The following PDE1C variants were observed in gnomAD, a reference collection of about 807,000 sequenced individuals.
The protein encoded by PDE1C is dual specificity calcium/calmodulin-dependent 3',5'-cyclic nucleotide phosphodiesterase 1C.
PDE1C carries 62 observed loss-of-function variants against 93.1 expected under a neutral mutation model. The observed-to-expected ratio is 0.67, with a 90% CI of 0.54 to 0.82. PDE1C has a LOEUF of 0.82. PDE1C is among the 40% of genes least tolerant of loss of function. PDE1C has a pLI of 0.00. For missense variants in PDE1C, 742 were observed against 884.6 expected, an observed-to-expected ratio of 0.84 and a Z score of 2.04; for synonymous variants, 325 against 310.1, an observed-to-expected ratio of 1.05 and a Z score of -0.50.
At chr7:31,685,908 G>A in the PDE1C span, among the ~76,000 whole-genome samples, 2 of 152,052 alleles carry the variant, frequency 1.3e-5, no homozygotes, top group Admixed American at 6.5e-5. Context: ...TCCATTCTCT[G>A]CTTATCTGTT....
chr7:32,194,166 G>T (rs1002732140), intron 2 of PDE1C, among the ~76,000 whole-genome samples: 3 of 152,064 alleles, frequency 2.0e-5, no homozygotes, highest in Admixed American at 2.0e-4. Flanking sequence ...TGCCCGCCTC[G>T]GCCTCCCAAA....
chr7:32,277,694 T>A (rs1301248947), intron 1 of PDE1C, among the ~76,000 whole-genome samples: 1 of 152,174 alleles, frequency 6.6e-6, no homozygotes, highest in Non-Finnish European at 1.5e-5. Flanking sequence ...TCAAACCTCC[T>A]CTTTCATTCC....
At chr7:32,107,280 G>C (rs868098500) in intron 3 of PDE1C, among the ~76,000 whole-genome samples, 1 of 150,234 alleles carries the variant, frequency 6.7e-6, no homozygotes, top group South Asian at 2.1e-4. Flanking sequence ...GTGAGAGGGA[G>C]GGAAGGAGGG....
chr7:32,204,094 AC>A (rs1390830608), intron 2 of PDE1C, among the ~76,000 whole-genome samples: 1 of 152,186 alleles, frequency 6.6e-6, no homozygotes, highest in African/African-American at 2.4e-5. Flanking sequence ...TGATTTGAAC[AC>A]AAGCACTGCA....
At chr7:32,307,968 C>T (rs970843450) in intron 1 of PDE1C, among the ~76,000 whole-genome samples, 47 of 152,342 alleles carry the variant, frequency 3.1e-4, no homozygotes, top group African/African-American at 9.1e-4. Context: ...TCGGGGAGTT[C>T]CCTTTCCTAG....
At chr7:32,269,572 C>T (rs1284818135) in intron 1 of PDE1C, among the ~76,000 whole-genome samples, 2 of 152,080 alleles carry the variant, frequency 1.3e-5, no homozygotes, top group East Asian at 1.9e-4. Context: ...CTCTGCCTCC[C>T]GGGTTCAAGC....
At chr7:32,179,746 G>A (rs770610832) in intron 2 of PDE1C, among the ~76,000 whole-genome samples, 1 of 152,180 alleles carries the variant, frequency 6.6e-6, no homozygotes, top group East Asian at 1.9e-4. Context: ...TAAACTGCTA[G>A]TAAAAGGAGC....
the PDE1C span, chr7:31,643,024 G>A: frequency 1.9e-6 from 3 of 1,614,008 alleles, no homozygotes; most frequent in East Asian, 6.7e-5. Flanking sequence ...TGCTGAGTAT[G>A]AGGTCACCAG....
intron 2 of PDE1C, among the ~76,000 whole-genome samples, chr7:32,029,036 T>C (rs1318937636): frequency 6.6e-6 from 1 of 151,970 alleles, no homozygotes; most frequent in African/African-American, 2.4e-5. Flanking sequence ...GCTCAAACAA[T>C]TCAATAGCAA....
intron 2 of PDE1C, among the ~76,000 whole-genome samples, chr7:31,981,738 T>C (rs1812401248): frequency 6.6e-6 from 1 of 152,214 alleles, no homozygotes; most frequent in Admixed American, 6.5e-5. Context: ...CACATATAGT[T>C]GTATGTGTCA....
chr7:32,221,736 A>C (rs1376409361), intron 1 of PDE1C, among the ~76,000 whole-genome samples: 1 of 107,932 alleles, frequency 9.3e-6, no homozygotes, highest in Non-Finnish European at 2.4e-5. Context: ...TTTCTTCAGC[A>C]ATGTTTTTTT....
At chr7:31,939,939 T>G (rs1805590540) in intron 2 of PDE1C, among the ~76,000 whole-genome samples, 1 of 152,218 alleles carries the variant, frequency 6.6e-6, no homozygotes, top group East Asian at 1.9e-4. Flanking sequence ...AGAGTGAGTA[T>G]CCACCATCAC....
chr7:31,802,982 T>C (rs1786260657), intron 16 of PDE1C, among the ~76,000 whole-genome samples: 1 of 151,794 alleles, frequency 6.6e-6, no homozygotes, highest in South Asian at 2.1e-4. Context: ...TAGCCCCTGA[T>C]TTTTCAAATA....
At chr7:32,082,305 G>A (rs1353375868) in intron 3 of PDE1C, among the ~76,000 whole-genome samples, 5 of 152,142 alleles carry the variant, frequency 3.3e-5, no homozygotes, top group Admixed American at 2.0e-4. Flanking sequence ...CAGCGAGGCT[G>A]GGGGAGGGGC....
At chr7:32,207,369 A>T (rs1387524365) in intron 2 of PDE1C, among the ~76,000 whole-genome samples, 1 of 151,148 alleles carries the variant, frequency 6.6e-6, no homozygotes, top group Non-Finnish European at 1.5e-5. Flanking sequence ...AAAAAAAAAA[A>T]AAACTTATCA....
chr7:31,641,279 G>A, the PDE1C span, among the ~76,000 whole-genome samples: 1 of 152,124 alleles, frequency 6.6e-6, no homozygotes, highest in Non-Finnish European at 1.5e-5. Flanking sequence ...AAATACTCAA[G>A]CATTGTATCT....
intron 3 of PDE1C, among the ~76,000 whole-genome samples, chr7:32,086,609 A>G (rs1797096076): frequency 6.6e-6 from 1 of 152,130 alleles, no homozygotes; most frequent in Non-Finnish European, 1.5e-5. Flanking sequence ...AAACTATACT[A>G]CAAGGCTACA....
intron 2 of PDE1C, among the ~76,000 whole-genome samples, chr7:31,960,092 C>T (rs1344776845): frequency 6.6e-6 from 1 of 151,952 alleles, no homozygotes; most frequent in Non-Finnish European, 1.5e-5. Context: ...CCAGCCTGGT[C>T]TTGAATCCTT....
At chr7:32,370,414 A>G (rs1463260189) in intron 1 of PDE1C, among the ~76,000 whole-genome samples, 2 of 147,118 alleles carry the variant, frequency 1.4e-5, no homozygotes, top group Admixed American at 7.0e-5. Flanking sequence ...GCACCACGGC[A>G]CTCCAGCCTG....
Sources: gnomAD v4.1 joint callset for allele counts (sites outside exome capture counted in the v4.1 genomes callset) on GRCh38, gnomAD v4.1.1 for gene constraint, MANE v1.5 for transcripts, NCBI Gene and HGNC (gene_info 2026-07-23, HGNC 2026-07-21) for gene names.